The following ATP8B4 variants were observed in gnomAD, a reference collection of about 807,000 sequenced individuals.
ATP8B4 encodes probable phospholipid-transporting ATPase IM.
Under a neutral mutation model 145.6 loss-of-function variants are expected in ATP8B4, and 133 were observed. That is an observed-to-expected ratio of 0.91 (90% CI 0.79 to 1.05). ATP8B4 has a LOEUF of 1.05. Among genes scored for constraint, ATP8B4 ranks in the 50% least tolerant of loss-of-function variants. The pLI, the probability that ATP8B4 is intolerant of heterozygous loss-of-function variation, is 0.00. For synonymous variants in ATP8B4, 507 were observed against 492.9 expected (o/e 1.03, Z -0.38); for missense variants, 1,458 against 1,425.2 (o/e 1.02, Z -0.37).
chr15:50,159,936 C>T (rs2044490152), intron 1 of ATP8B4, among the ~76,000 whole-genome samples: 2 of 142,850 alleles, frequency 1.4e-5, no homozygotes, highest in Non-Finnish European at 3.0e-5. Flanking sequence ...CCCTTCTCCT[C>T]TATTTTTTGG....
At chr15:49,933,946 A>G in intron 15 of ATP8B4, 71 bp downstream of exon 15, 1 of 1,419,912 alleles carries the variant, frequency 7.0e-7, no homozygotes, top group Non-Finnish European at 9.3e-7. Flanking sequence ...TAAATCCTTC[A>G]AATTTAGTGT....
intron 2 of ATP8B4, among the ~76,000 whole-genome samples, chr15:50,092,000 A>C (rs1221751797): frequency 1.3e-5 from 2 of 152,132 alleles, no homozygotes; most frequent in Non-Finnish European, 2.9e-5. Context: ...AAATGTATTA[A>C]AGTAAACCTG....
intron 9 of ATP8B4, among the ~76,000 whole-genome samples, chr15:49,990,356 C>T (rs1366011654): frequency 2.0e-5 from 3 of 152,150 alleles, no homozygotes; most frequent in African/African-American, 7.2e-5. Flanking sequence ...CTCACATAGT[C>T]ATTTACTGAA....
intron 1 of ATP8B4, among the ~76,000 whole-genome samples, chr15:50,138,490 T>C (rs1207782691): frequency 1.3e-5 from 2 of 152,030 alleles, no homozygotes; most frequent in Non-Finnish European, 2.9e-5. Context: ...GATAGATAGA[T>C]ACCTGAATAA....
chr15:49,945,624 G>A (rs192066046), intron 14 of ATP8B4, among the ~76,000 whole-genome samples: 2 of 152,160 alleles, frequency 1.3e-5, no homozygotes, highest in Admixed American at 1.3e-4. Flanking sequence ...CTAGTAAATT[G>A]AATCACATTA....
At position 50,059,910 on chromosome 15, in the gene ATP8B4, T is replaced by C. The variant is rs562207497; in HGVS notation, c.88-12446A>G. Among the ~76,000 whole-genome samples the C allele has an allele frequency of 2.0e-5, 3 of 152,278 alleles. No homozygotes were observed. In the South Asian group the frequency reaches 6.2e-4, roughly 32 times the overall value. ...CCTAGGGGTCTGTGGCCTGAGCCCT[T>C]TTTTAGAAACTGGTTTTCCCCAAAT... On this transcript the variant is annotated intron_variant, in intron 3 of 27. Coordinates refer to ENST00000284509, the MANE Select transcript of ATP8B4 (RefSeq NM_024837.4).
At chr15:49,997,600 T>C (rs917583444) in intron 8 of ATP8B4, among the ~76,000 whole-genome samples, 3 of 151,964 alleles carry the variant, frequency 2.0e-5, no homozygotes, top group African/African-American at 7.3e-5. Flanking sequence ...AGGATGACAA[T>C]CCTCTTGGGG....
chr15:49,945,575 G>T (rs1177655330), intron 14 of ATP8B4, among the ~76,000 whole-genome samples: 1 of 152,030 alleles, frequency 6.6e-6, no homozygotes, highest in African/African-American at 2.4e-5. Context: ...TATATAAGCT[G>T]ATTACCCCAA....
In ATP8B4 at chr15:50,003,274, ATGTGTGTGTGTGTG is replaced by A. The variant is rs10539979; in HGVS notation, c.436-1065_436-1052del. ...TTTGCAACTCAAAAATAGGGTGTGC[ATGTGTGTGTGTGTG>A]TGTGTGTGTGTGTGTGTGTGTGTGG... On this transcript the variant is annotated intron_variant, in intron 7 of 27. Coordinates refer to ENST00000284509, the MANE Select transcript of ATP8B4 (RefSeq NM_024837.4). Among the ~76,000 whole-genome samples, 6 of 141,084 alleles carry A rather than the reference ATGTGTGTGTGTGTG, an allele frequency of 4.3e-5. No individual in the cohort carries two copies. In the East Asian group the frequency reaches 6.4e-4, roughly 15 times the overall value. 92.6% of individuals were successfully genotyped at this position (141,084 alleles called of 152,430 possible).
At chr15:50,082,677 C>A (rs1471786069) in intron 2 of ATP8B4, among the ~76,000 whole-genome samples, 1 of 152,022 alleles carries the variant, frequency 6.6e-6, no homozygotes, top group Non-Finnish European at 1.5e-5. Context: ...CCATATAAAC[C>A]CTCAGCATGT....
At chr15:50,177,867 A>T (rs1247151614) in intron 1 of ATP8B4, among the ~76,000 whole-genome samples, 1 of 152,214 alleles carries the variant, frequency 6.6e-6, no homozygotes, top group African/African-American at 2.4e-5. Flanking sequence ...ATAGTGAACT[A>T]CTTCATCTCC....
chr15:50,010,379 A>G (rs1281123777), intron 7 of ATP8B4, among the ~76,000 whole-genome samples: 3 of 152,030 alleles, frequency 2.0e-5, no homozygotes, highest in African/African-American at 7.2e-5. Flanking sequence ...AATTCAGCAC[A>G]ATCAATACAC....
At chr15:49,985,054 T>C (rs2046470141) in intron 10 of ATP8B4, among the ~76,000 whole-genome samples, 1 of 152,124 alleles carries the variant, frequency 6.6e-6, no homozygotes, top group Admixed American at 6.6e-5. Flanking sequence ...GTGGTAGGTA[T>C]AACTAGAGTA....
Position 49,957,223 on chromosome 15 carries a change from CTCA to C in ATP8B4, c.1287+4751_1287+4753del, listed in dbSNP as rs1467211422. Among the ~76,000 whole-genome samples, 6 of 152,134 alleles carry C rather than the reference CTCA, an allele frequency of 3.9e-5. No individual in the cohort carries two copies. The East Asian group carries it at 1.2e-3, about 29-fold the overall frequency. ...GAGGAAACGAAAGAGAAATAATAAT[CTCA>C]TCATTGTTCATATTAGGAAATTGAT... On this transcript the variant is annotated intron_variant, in intron 14 of 27. Transcript: ENST00000284509.
chr15:50,097,907 T>C (rs1367425843), intron 2 of ATP8B4, among the ~76,000 whole-genome samples: 1 of 152,178 alleles, frequency 6.6e-6, no homozygotes. Context: ...TCATTTTACG[T>C]TCATGCTCAC....
At chr15:49,928,234 C>T (rs1224524550) in intron 16 of ATP8B4, among the ~76,000 whole-genome samples, 1 of 152,054 alleles carries the variant, frequency 6.6e-6, no homozygotes, top group East Asian at 1.9e-4. Flanking sequence ...ACAAGGCATT[C>T]TGGGGAACAC....
intron 14 of ATP8B4, among the ~76,000 whole-genome samples, chr15:49,944,946 G>C (rs1301739124): frequency 6.6e-5 from 10 of 152,106 alleles, no homozygotes; most frequent in Non-Finnish European, 1.2e-4. Flanking sequence ...AAATTAAATA[G>C]TATTCTTGAA....
At chr15:50,012,415 A>G (rs1427167084) in intron 6 of ATP8B4, among the ~76,000 whole-genome samples, 1 of 152,190 alleles carries the variant, frequency 6.6e-6, no homozygotes, top group Non-Finnish European at 1.5e-5. Flanking sequence ...CTTATTTCCA[A>G]ACTCTTATTC....
At chr15:49,952,867 C>A (rs1467862525) in intron 14 of ATP8B4, among the ~76,000 whole-genome samples, 1 of 151,656 alleles carries the variant, frequency 6.6e-6, no homozygotes, top group African/African-American at 2.4e-5. Context: ...GGCTGCTGAC[C>A]CTTGGATGGG....
Sources: gnomAD v4.1 joint callset for allele counts (sites outside exome capture counted in the v4.1 genomes callset) on GRCh38, gnomAD v4.1.1 for gene constraint, MANE v1.5 for transcripts, NCBI Gene and HGNC (gene_info 2026-07-23, HGNC 2026-07-21) for gene names.